Variants in SCN10A observed in about 807,000 individuals in gnomAD.
The protein encoded by SCN10A is sodium voltage-gated channel alpha subunit 10.
SCN10A carries 162 observed loss-of-function variants against 170.7 expected under a neutral mutation model. The ratio of observed to expected loss-of-function variants is 0.95; its 90% confidence interval spans 0.84 to 1.08. The LOEUF (loss-of-function observed/expected upper bound fraction) is 1.08, where lower values mean the gene tolerates loss of function less well. Ranked by LOEUF, SCN10A falls within the 50% of genes least tolerant of loss-of-function variation. The pLI, the probability that SCN10A is intolerant of heterozygous loss-of-function variation, is 0.00. For synonymous variants in SCN10A, 985 were observed against 904.6 expected (o/e 1.09, Z -1.59); for missense variants, 2,527 against 2,436.9 (o/e 1.04, Z -0.78).
chr3:38,700,149 CA>C (rs2063141775), intron 27 of SCN10A, among the ~76,000 whole-genome samples: 1 of 151,784 alleles, frequency 6.6e-6, no homozygotes, highest in Non-Finnish European at 1.5e-5. Flanking sequence ...AACCAACCAA[CA>C]AAAACTCCTA....
At chr3:38,776,583 G>T (rs573652549) in intron 4 of SCN10A, among the ~76,000 whole-genome samples, 5 of 152,156 alleles carry the variant, frequency 3.3e-5, no homozygotes, top group African/African-American at 1.2e-4. Context: ...AACATAAAAA[G>T]TTAGAAATTC....
intron 5 of SCN10A, among the ~76,000 whole-genome samples, chr3:38,769,950 C>G (rs2063980112): frequency 6.6e-6 from 1 of 152,172 alleles, no homozygotes; most frequent in African/African-American, 2.4e-5. Flanking sequence ...AGCATCTGTT[C>G]TGGTGAAGGT....
intron 2 of SCN10A, among the ~76,000 whole-genome samples, chr3:38,792,374 C>T (rs988913689): frequency 6.6e-6 from 1 of 152,164 alleles, no homozygotes; most frequent in Non-Finnish European, 1.5e-5. Flanking sequence ...TCAGCAAGAT[C>T]CTCATCTCTG....
rs184521520 is a variant in SCN10A at position 38,701,982 on chromosome 3, G to A, written c.4514C>T (p.Thr1505Met). The change falls in exon 27 of 28, where the codon ACG becomes ATG. Residue 1505 changes from threonine (T) to methionine (M), a missense_variant. Transcript: ENST00000449082. Reference sequence around the variant, plus strand: ...CTGGTTGATTTTGCCCAGAATTTTCGTCTTTTCTTCACTTTGGTCATCAGT... The same window carrying A: ...CTGGTTGATTTTGCCCAGAATTTTCATCTTTTCTTCACTTTGGTCATCAGT... ...VETDDQSEEKTKILGKINQFF... is the reference protein window; with the variant it reads ...VETDDQSEEKMKILGKINQFF... The A allele has an allele frequency of 8.4e-5, 136 of 1,614,132 alleles. No homozygotes were observed. The highest frequency in any genetic ancestry group is 1.5e-4 in the African/African-American group (11 of 75,042).
chr3:38,739,245 T>C (rs2063603351), intron 15 of SCN10A, among the ~76,000 whole-genome samples: 1 of 152,174 alleles, frequency 6.6e-6, no homozygotes, highest in Admixed American at 6.5e-5. Context: ...GTTATTGTTA[T>C]TTGATAAGAG....
At chr3:38,754,752 T>C (rs1240553401) in intron 11 of SCN10A, among the ~76,000 whole-genome samples, 1 of 152,162 alleles carries the variant, frequency 6.6e-6, no homozygotes. Flanking sequence ...TGTTTGTATA[T>C]GCACACATAA....
rs1218927218 is a variant in SCN10A at position 38,697,744 on chromosome 3, C to T, written c.5476G>A (p.Glu1826Lys). ...AGATTAGTTGCCATAAACTTCTCCT[C>T]CATATTTGCCTTCAGAGAATCCAAC... is the stretch of plus-strand genomic sequence containing the variant. Reference protein sequence around the residue: ...GELDSLKANMEEKFMATNLSK... With the variant: ...GELDSLKANMKEKFMATNLSK... The change falls in exon 28 of 28, where the codon GAG becomes AAG. Residue 1826 changes from glutamate (E) to lysine (K), a missense_variant. By Grantham distance (56) the Glu-to-Lys change is moderately conservative. Coordinates refer to ENST00000449082, the MANE Select transcript of SCN10A (RefSeq NM_006514.4). The T allele has an allele frequency of 1.9e-6, 3 of 1,613,980 alleles. No homozygotes were observed. The highest frequency in any genetic ancestry group is 2.2e-5 in the South Asian group (2 of 91,064).
chr3:38,767,101 G>C (rs1033569498), intron 5 of SCN10A, among the ~76,000 whole-genome samples: 20 of 150,594 alleles, frequency 1.3e-4, no homozygotes, highest in African/African-American at 4.9e-4. Context: ...ATTTCTAATT[G>C]AGCTTATTTG....
At chr3:38,763,867 C>G (rs1052890311) in intron 5 of SCN10A, among the ~76,000 whole-genome samples, 1 of 152,230 alleles carries the variant, frequency 6.6e-6, no homozygotes, top group African/African-American at 2.4e-5. Context: ...ACCAACCAGT[C>G]TCCTCAGACA....
intron 15 of SCN10A, among the ~76,000 whole-genome samples, chr3:38,737,750 C>G (rs1276072433): frequency 8.3e-6 from 1 of 121,072 alleles, no homozygotes; most frequent in Admixed American, 8.4e-5. Context: ...CCCTCCCTCT[C>G]TCTCTCCCTC....
intron 5 of SCN10A, among the ~76,000 whole-genome samples, chr3:38,769,527 T>C (rs948112014): frequency 2.0e-5 from 3 of 152,124 alleles, no homozygotes; most frequent in African/African-American, 7.2e-5. Context: ...AGGCGTGAGC[T>C]ACTGTGCCCA....
intron 18 of SCN10A, among the ~76,000 whole-genome samples, chr3:38,724,248 A>G (rs1012580291): frequency 6.6e-6 from 1 of 152,138 alleles, no homozygotes; most frequent in African/African-American, 2.4e-5. Context: ...CCTAGGGCAC[A>G]CAGCCAGTAG....
At chr3:38,754,243 C>G (rs1188769102) in intron 11 of SCN10A, among the ~76,000 whole-genome samples, 1 of 152,206 alleles carries the variant, frequency 6.6e-6, no homozygotes, top group Non-Finnish European at 1.5e-5. Flanking sequence ...TTTTCTGATA[C>G]CTATCCAGCC....
intron 26 of SCN10A, among the ~76,000 whole-genome samples, chr3:38,704,527 T>C (rs2063189624): frequency 1.3e-5 from 2 of 152,220 alleles, no homozygotes; most frequent in Non-Finnish European, 2.9e-5. Flanking sequence ...TTGCAACCCT[T>C]GGTGCTCTCA....
chr3:38,699,514 G>T (rs1297401521), intron 27 of SCN10A, among the ~76,000 whole-genome samples: 1 of 152,146 alleles, frequency 6.6e-6, no homozygotes, highest in Non-Finnish European at 1.5e-5. Context: ...TCCTTGCCAG[G>T]TTCCCTGGGC....
At chr3:38,794,780 T>C (rs185309002) in intron 1 of SCN10A, among the ~76,000 whole-genome samples, 4 of 152,326 alleles carry the variant, frequency 2.6e-5, no homozygotes, top group Admixed American at 2.6e-4. Flanking sequence ...CAGTTTCTTC[T>C]AGTCTGAGGT....
At position 38,750,116 on chromosome 3, in the gene SCN10A, T is replaced by C. The variant is rs773319945; in HGVS notation, c.1824A>G (p.Gln608=). The C allele has an allele frequency of 3.7e-6, 6 of 1,612,360 alleles. No individual in the cohort carries two copies. In the South Asian group the frequency reaches 6.6e-5, roughly 18 times the overall value. Residue 608 remains glutamine (Q), a synonymous_variant, in exon 13 of 28, where the codon CAA becomes CAG. Transcript: ENST00000449082. ...AEYLDEPFRA[Q]RAMSVVSIIT... is the part of the protein sequence containing the mutation. ...TGATACTGACAACACTCATTGCCCT[T>C]TGGGCCCGGAAAGGTTCATCTAAGT...
rs1371664893 is a variant in SCN10A at position 38,712,380 on chromosome 3, G to T, written c.3870C>A (p.Ile1290=). ...SIMNVLLVCL[I]FWLIFSIMGV... is the part of the protein sequence containing the mutation. The stretch of plus-strand genomic sequence containing the variant: ...CCATGATGCTGAAGATGAGCCAGAA[G>T]ATGAGGCAGACGAGGAGGACATTCA... The change falls in exon 23 of 28, where the codon ATC becomes ATA. Residue 1290 remains isoleucine, a synonymous_variant. Coordinates refer to ENST00000449082, the MANE Select transcript of SCN10A (RefSeq NM_006514.4). 43 of 1,614,076 alleles carry T rather than the reference G, an allele frequency of 2.7e-5. No homozygotes were observed. The highest frequency in any genetic ancestry group is 3.3e-5 in the Non-Finnish European group (39 of 1,180,036).
At chr3:38,744,894 T>G (rs2063670826) in intron 13 of SCN10A, among the ~76,000 whole-genome samples, 1 of 152,260 alleles carries the variant, frequency 6.6e-6, no homozygotes, top group Non-Finnish European at 1.5e-5. Context: ...TTCACTGTCA[T>G]GCTGTTTTAA....
Sources: gnomAD v4.1 joint callset for allele counts (sites outside exome capture counted in the v4.1 genomes callset) on GRCh38, gnomAD v4.1.1 for gene constraint, MANE v1.5 for transcripts, NCBI Gene and HGNC (gene_info 2026-07-23, HGNC 2026-07-21) for gene names.